The following ZWILCH variants were observed in gnomAD, a reference collection of about 807,000 sequenced individuals.
ZWILCH encodes the protein zwilch kinetochore protein, also known as protein zwilch homolog.
In ZWILCH, 74 loss-of-function variants were observed where a neutral mutation model predicts 79.9. That is an observed-to-expected ratio of 0.93 (90% CI 0.77 to 1.12). ZWILCH has a LOEUF of 1.12. ZWILCH is among the 50% of genes most tolerant of loss of function. The pLI, the probability that ZWILCH is intolerant of heterozygous loss-of-function variation, is 0.00. For synonymous variants in ZWILCH, 241 were observed against 228.2 expected, an observed-to-expected ratio of 1.06 and a Z score of -0.51; for missense variants, 694 against 687.5, an observed-to-expected ratio of 1.01 and a Z score of -0.11.
At chr15:66,511,363 C>G (rs546794283) in intron 2 of ZWILCH, among the ~76,000 whole-genome samples, 1 of 151,834 alleles carries the variant, frequency 6.6e-6, no homozygotes, top group South Asian at 2.1e-4. Context: ...TGTCACGCAC[C>G]TATAGTCCCA....
intron 17 of ZWILCH, among the ~76,000 whole-genome samples, chr15:66,545,329 G>A (rs1895335325): frequency 6.6e-6 from 1 of 152,006 alleles, no homozygotes; most frequent in East Asian, 1.9e-4. Context: ...ACTCCAGCCT[G>A]GGCAGCAATA....
chr15:66,550,008 A>T lies in ZWILCH; in HGVS notation c.*1684A>T, dbSNP rs1190249341. 1 of 1,457,932 alleles carries T rather than the reference A, an allele frequency of 6.9e-7. No homozygotes were observed. Among genetic ancestry groups the T allele is most frequent in the Non-Finnish European group, 9.3e-7 (1 of 1,073,624 alleles). 90.3% of individuals were successfully genotyped at this position (1,457,932 alleles called of 1,614,324 possible). ...ATATGTATAATTATTTAGTTTAATTATTAAAGGAAAACATTGAAATATACT... is the reference window on the plus strand; with the variant it reads ...ATATGTATAATTATTTAGTTTAATTTTTAAAGGAAAACATTGAAATATACT... On this transcript the variant is annotated 3_prime_UTR_variant, in exon 19 of 19. Coordinates refer to ENST00000307897, the MANE Select transcript of ZWILCH (RefSeq NM_017975.5).
At position 66,550,018 on chromosome 15, in the gene ZWILCH, A is replaced by G; in HGVS notation, c.*1694A>G. The G allele has an allele frequency of 1.3e-6, 2 of 1,519,316 alleles. No individual in the cohort carries two copies. Among genetic ancestry groups the G allele is most frequent in the Non-Finnish European group, 1.8e-6 (2 of 1,125,264 alleles). 94.1% of individuals were successfully genotyped at this position (1,519,316 alleles called of 1,614,324 possible). On this transcript the variant is annotated 3_prime_UTR_variant, in exon 19 of 19. Transcript: ENST00000307897. ...TTATTTAGTTTAATTATTAAAGGAA[A>G]ACATTGAAATATACTGACTCACCTG...
At chr15:66,531,199 G>A (rs1595917132) in intron 12 of ZWILCH, among the ~76,000 whole-genome samples, 1 of 152,278 alleles carries the variant, frequency 6.6e-6, no homozygotes, top group South Asian at 2.1e-4. Flanking sequence ...TAGCCAATGA[G>A]GAGTTCCTTA....
chr15:66,519,169 G>A, intron 5 of ZWILCH, 91 bp downstream of exon 5: 1 of 1,275,686 alleles, frequency 7.8e-7, no homozygotes, highest in Non-Finnish European at 1.1e-6. Flanking sequence ...ATATTGTTAT[G>A]ATGAAAGTGC....
chr15:66,530,434 G>A (rs1282001975), intron 12 of ZWILCH, among the ~76,000 whole-genome samples: 2 of 152,106 alleles, frequency 1.3e-5, no homozygotes, highest in South Asian at 2.1e-4. Flanking sequence ...TCAGGAGCTC[G>A]AGACCAGCCT....
intron 11 of ZWILCH, 48 bp downstream of exon 11, chr15:66,529,005 AT>A (rs1452543659): frequency 1.3e-6 from 2 of 1,483,324 alleles, no homozygotes; most frequent in South Asian, 2.3e-5. Flanking sequence ...TCTTAGGTTT[AT>A]TTTTAAGTCT....
intron 2 of ZWILCH, among the ~76,000 whole-genome samples, chr15:66,509,229 C>T (rs1204923822): frequency 7.2e-5 from 11 of 152,264 alleles, no homozygotes; most frequent in African/African-American, 2.2e-4. Context: ...CTTGAACCAC[C>T]GCGCCCGGCC....
intron 14 of ZWILCH, among the ~76,000 whole-genome samples, chr15:66,534,359 G>C (rs915426397): frequency 6.6e-5 from 10 of 151,990 alleles, no homozygotes; most frequent in African/African-American, 2.4e-4. Context: ...CATGGATTTT[G>C]GTATACAAAG....
At chr15:66,521,544 G>A (rs1249630661) in intron 7 of ZWILCH, among the ~76,000 whole-genome samples, 3 of 152,152 alleles carry the variant, frequency 2.0e-5, no homozygotes, top group African/African-American at 7.2e-5. Flanking sequence ...CACCCAGGCT[G>A]GAGTAAAGTG....
In ZWILCH at chr15:66,508,804, T is replaced by A. The variant is rs768341922; in HGVS notation, c.54-37T>A. On this transcript the variant is annotated intron_variant, in intron 1 of 18. Coordinates refer to ENST00000307897, the MANE Select transcript of ZWILCH (RefSeq NM_017975.5). Reference sequence around the variant, plus strand: ...TGAGTGTGAATAACGGGAGAGATAATGTAGTTCTGTTTTTCACATGTGGTT... The same window carrying A: ...TGAGTGTGAATAACGGGAGAGATAAAGTAGTTCTGTTTTTCACATGTGGTT... 10 of 1,613,224 alleles carry A rather than the reference T, an allele frequency of 6.2e-6. No individual in the cohort carries two copies. In the South Asian group the frequency reaches 1.1e-4, roughly 18 times the overall value.
intron 17 of ZWILCH, among the ~76,000 whole-genome samples, chr15:66,545,743 A>G (rs990145141): frequency 1.3e-5 from 2 of 152,184 alleles, no homozygotes; most frequent in African/African-American, 4.8e-5. Flanking sequence ...CCCATTTTCG[A>G]AGGGGGTATC....
intron 17 of ZWILCH, among the ~76,000 whole-genome samples, chr15:66,544,307 A>T (rs747782370): frequency 2.6e-5 from 4 of 151,964 alleles, no homozygotes; most frequent in Non-Finnish European, 5.9e-5. Context: ...TAAAGAAGAA[A>T]CGTATTTTAT....
At chr15:66,517,430 G>GTGTGTGTGTGTATATATATATA in intron 4 of ZWILCH, among the ~76,000 whole-genome samples, 51 of 66,488 alleles carry the variant, frequency 7.7e-4, no homozygotes, top group Middle Eastern at 7.9e-3. Context: ...GTGTGTGTGT[G>GTGTGTGTGTGTATATATATATA]TATATATATA....
rs1555424251 is a variant in ZWILCH at position 66,517,430 on chromosome 15, G to GTATATATATATA, written c.321-1434_321-1423dup. ...TGTTTGTGTGTGCGTGTGTGTGTGTGTATATATATATATATATATATATAT... is the reference window on the plus strand; with the variant it reads ...TGTTTGTGTGTGCGTGTGTGTGTGTGTATATATATATATATATATATATATATATATATATAT... On this transcript the variant is annotated intron_variant, in intron 4 of 18. Transcript: ENST00000307897. Among the ~76,000 whole-genome samples, 544 of 66,460 alleles carry GTATATATATATA rather than the reference G, an allele frequency of 8.2e-3. 10 individuals are homozygous for GTATATATATATA. Among genetic ancestry groups the GTATATATATATA allele is most frequent in the African/African-American group, 0.031 (512 of 16,286 alleles). 43.6% of individuals were successfully genotyped at this position (66,460 alleles called of 152,430 possible).
chr15:66,521,284 T>A, intron 7 of ZWILCH, 79 bp downstream of exon 7: 1 of 1,528,658 alleles, frequency 6.5e-7, no homozygotes, highest in Non-Finnish European at 8.9e-7. Flanking sequence ...TGGTGCTCCA[T>A]GCCTCTAGCC....
chr15:66,506,225 A>T (rs561003790), intron 1 of ZWILCH, among the ~76,000 whole-genome samples: 3 of 152,308 alleles, frequency 2.0e-5, no homozygotes, highest in South Asian at 2.1e-4. Context: ...TTACAAAAGT[A>T]GTGACGCTTG....
Position 66,546,648 on chromosome 15 carries a change from T to C in ZWILCH, c.1745T>C (p.Met582Thr). Residue 582 changes from methionine (M) to threonine (T), a missense_variant, in exon 18 of 19, where the codon ATG (methionine) becomes ACG (threonine). By Grantham distance (81) the Met-to-Thr change is moderately conservative. Transcript: ENST00000307897. ...GAAGAAAGGATATTCTTTACTAACA[T>C]GGTTACCTGCAGCCAGGTGCATTTC... ...SLEERIFFTNMVTCSQVHFK is the reference protein window; with the variant it reads ...SLEERIFFTNTVTCSQVHFK The C allele has an allele frequency of 6.2e-7, 1 of 1,609,198 alleles. No homozygotes were observed. Among genetic ancestry groups the C allele is most frequent in the South Asian group, 1.1e-5 (1 of 90,336 alleles).
At chr15:66,509,881 T>C (rs1893989083) in intron 2 of ZWILCH, among the ~76,000 whole-genome samples, 1 of 112,740 alleles carries the variant, frequency 8.9e-6, no homozygotes, top group African/African-American at 3.3e-5. Context: ...CTCTTAAAAA[T>C]CAATGAGGAA....
Sources: gnomAD v4.1 joint callset for allele counts (sites outside exome capture counted in the v4.1 genomes callset) on GRCh38, gnomAD v4.1.1 for gene constraint, MANE v1.5 for transcripts, NCBI Gene and HGNC (gene_info 2026-07-23, HGNC 2026-07-21) for gene names.